ADAM12: variants seen among roughly 807,000 people sequenced by gnomAD.
ADAM12 encodes disintegrin and metalloproteinase domain-containing protein 12.
Under a neutral mutation model 106.4 loss-of-function variants are expected in ADAM12, and 70 were observed. The observed-to-expected ratio is 0.66, with a 90% CI of 0.54 to 0.80. The LOEUF (loss-of-function observed/expected upper bound fraction) is 0.80, where lower values mean the gene tolerates loss of function less well. ADAM12 is among the 30% of genes least tolerant of loss of function. The pLI, the probability that ADAM12 is intolerant of heterozygous loss-of-function variation, is 0.00. For synonymous variants in ADAM12, 420 were observed against 433.5 expected, an observed-to-expected ratio of 0.97 and a Z score of 0.39; for missense variants, 1,010 against 1,171.9, an observed-to-expected ratio of 0.86 and a Z score of 2.02.
chr10:126,164,650 C>A lies in ADAM12; in HGVS notation c.261-9345G>T, dbSNP rs142389311. Among the ~76,000 whole-genome samples the A allele has an allele frequency of 9.3e-3, 1,412 of 152,262 alleles. 17 individuals are homozygous for A. Among genetic ancestry groups the A allele is most frequent in the Non-Finnish European group, 0.014 (950 of 68,020 alleles). On this transcript the variant is annotated intron_variant, in intron 3 of 22. Coordinates refer to ENST00000448723, the MANE Select transcript of ADAM12 (RefSeq NM_001288973.2). ...AATGATATCCTTTAATGAAAACTGT[C>A]CATTCCACAATCACAGGTAAATAAA... is the stretch of plus-strand genomic sequence containing the variant.
rs77187652 is a variant in ADAM12 at position 126,133,750 on chromosome 10, T to C, written c.416+1834A>G. Among the ~76,000 whole-genome samples, 266 of 152,312 alleles carry C rather than the reference T, an allele frequency of 1.7e-3. 4 individuals carry two copies. The East Asian group carries it at 0.04, about 23-fold the overall frequency. ...ACCTCATTTCTCTCTACTGCCTCCC[T>C]GTCCCTGTCCACTCTAGTTATGCTG... On this transcript the variant is annotated intron_variant, in intron 5 of 22. Transcript: ENST00000448723.
chr10:126,051,820 A>G (rs3824637), intron 14 of ADAM12, among the ~76,000 whole-genome samples: 35,209 of 152,142 alleles, frequency 0.23, 5,035 homozygotes, highest in East Asian at 0.33. Flanking sequence ...GAGACACAGA[A>G]AAAAGACCCA....
At position 126,226,300 on chromosome 10, in the gene ADAM12, C is replaced by T. The variant is rs540323498; in HGVS notation, c.260+52615G>A. 2.0e-3 allele frequency among the ~76,000 whole-genome samples: 297 copies of T among 152,214 alleles called. 1 individual carries two copies. Among genetic ancestry groups the T allele is most frequent in the African/African-American group, 6.6e-3 (273 of 41,518 alleles). On this transcript the variant is annotated intron_variant, in intron 3 of 22. Transcript: ENST00000448723. ...ATCAGAACCATGTGGAAAGAATGCA[C>T]GAGTTCAGGAGCAGGAATAAGAGGA...
At chr10:126,246,885 A>C (rs1355431475) in intron 3 of ADAM12, among the ~76,000 whole-genome samples, 1 of 152,218 alleles carries the variant, frequency 6.6e-6, no homozygotes, top group African/African-American at 2.4e-5. Flanking sequence ...TGGGCAGGGC[A>C]ATCAGGCAAG....
At chr10:126,276,890 T>C (rs924410304) in intron 3 of ADAM12, among the ~76,000 whole-genome samples, 1 of 151,654 alleles carries the variant, frequency 6.6e-6, no homozygotes, top group African/African-American at 2.4e-5. Context: ...TCAACGTGTA[T>C]TATAGTATCT....
intron 2 of ADAM12, among the ~76,000 whole-genome samples, chr10:126,322,378 C>G (rs1346783908): frequency 6.6e-6 from 1 of 152,200 alleles, no homozygotes; most frequent in African/African-American, 2.4e-5. Context: ...TGTCCTTCCA[C>G]ATCTTTTCTC....
At chr10:126,342,939 G>T (rs1854986510) in intron 1 of ADAM12, among the ~76,000 whole-genome samples, 1 of 152,058 alleles carries the variant, frequency 6.6e-6, no homozygotes, top group Non-Finnish European at 1.5e-5. Context: ...CATGGGCAGG[G>T]TTCCCTCCTC....
rs181285895 is a variant in ADAM12, at chr10:126,310,255, C to T, written c.186+20157G>A. On this transcript the variant is annotated intron_variant, in intron 2 of 22. Transcript: ENST00000448723. ...AAAAACAAGCAGACAGAAGACAGAA[C>T]CCTGGGAGTTGCATACATTTAGAAG... is the stretch of plus-strand genomic sequence containing the variant. Among the ~76,000 whole-genome samples the T allele has an allele frequency of 3.3e-5, 5 of 151,434 alleles. No individual in the cohort carries two copies. The East Asian group carries it at 5.8e-4, about 18-fold the overall frequency.
chr10:126,082,363 G>GTTTTTTTTTTTTTTTTTTTTTTTTTTT (rs5788763), intron 11 of ADAM12, among the ~76,000 whole-genome samples: 2 of 80,772 alleles, frequency 2.5e-5, no homozygotes, highest in African/African-American at 5.3e-5. Flanking sequence ...TCTAATGACT[G>GTTTTTTTTTTTTTTTTTTTTTTTTTTT]TTTTTTTTTT....
At position 126,049,244 on chromosome 10, in the gene ADAM12, G is replaced by A; in HGVS notation, c.1917+9C>T. 1 of 1,613,832 alleles carries A rather than the reference G, an allele frequency of 6.2e-7. No individual in the cohort carries two copies. The highest frequency in any genetic ancestry group is 8.5e-7 in the Non-Finnish European group (1 of 1,180,012). On this transcript the variant is annotated intron_variant, in intron 16 of 22. Transcript: ENST00000448723. The surrounding 1 kb of genome is among the most constrained non-coding windows in gnomAD (Gnocchi z 4.4). ...ACATTTATGATCCAAGCAAACATTT[G>A]GGTCTTACTTTTCCATCTGCACACT...
At chr10:126,047,494 A>G (rs1286984857) in intron 16 of ADAM12, among the ~76,000 whole-genome samples, 1 of 152,224 alleles carries the variant, frequency 6.6e-6, no homozygotes. Flanking sequence ...AGATCAAAGC[A>G]CATTTCATCT....
intron 14 of ADAM12, among the ~76,000 whole-genome samples, chr10:126,059,069 T>C (rs1954695713): frequency 6.6e-6 from 1 of 152,248 alleles, no homozygotes; most frequent in Non-Finnish European, 1.5e-5. Context: ...TACTATATTT[T>C]ATAATGATGT....
At chr10:126,329,122 A>C (rs998892111) in intron 2 of ADAM12, among the ~76,000 whole-genome samples, 1 of 140,494 alleles carries the variant, frequency 7.1e-6, no homozygotes, top group Non-Finnish European at 1.6e-5. Flanking sequence ...GATAAGCAAC[A>C]AATACTTAAA....
At chr10:126,339,121 A>G (rs1163168665) in intron 1 of ADAM12, among the ~76,000 whole-genome samples, 1 of 152,124 alleles carries the variant, frequency 6.6e-6, no homozygotes, top group Non-Finnish European at 1.5e-5. Context: ...CCCAAGTCTC[A>G]GCTCTTGGCC....
chr10:126,028,656 A>G (rs951387189), intron 21 of ADAM12, among the ~76,000 whole-genome samples: 1 of 152,240 alleles, frequency 6.6e-6, no homozygotes, highest in Non-Finnish European at 1.5e-5. Context: ...AAATAAACTC[A>G]GGATCGATTA....
chr10:126,329,049 G>A (rs1022396623), intron 2 of ADAM12, among the ~76,000 whole-genome samples: 8 of 151,626 alleles, frequency 5.3e-5, no homozygotes, highest in Non-Finnish European at 7.4e-5. Flanking sequence ...TTGTCCCTCC[G>A]ATTCCCTCCA....
At chr10:126,251,736 T>TGGG (rs1958767506) in intron 3 of ADAM12, among the ~76,000 whole-genome samples, 6 of 144,312 alleles carry the variant, frequency 4.2e-5, no homozygotes, top group Non-Finnish European at 6.0e-5. Context: ...GATGGATGGA[T>TGGG]ATGATGGATA....
At chr10:126,286,779 GATA>G (rs1277690673) in intron 2 of ADAM12, among the ~76,000 whole-genome samples, 1 of 152,152 alleles carries the variant, frequency 6.6e-6, no homozygotes, top group Non-Finnish European at 1.5e-5. Context: ...CATAAATAAT[GATA>G]ATGTTTATTC....
intron 11 of ADAM12, among the ~76,000 whole-genome samples, chr10:126,085,016 T>C (rs1279934924): frequency 6.6e-6 from 1 of 152,232 alleles, no homozygotes; most frequent in African/African-American, 2.4e-5. Context: ...TTCTACAAAG[T>C]CTTATGCTCA....
Sources: allele counts gnomAD v4.1 joint callset (sites outside exome capture counted in the v4.1 genomes callset), GRCh38; gene constraint gnomAD v4.1.1; non-coding constraint Gnocchi (gnomAD v3.1); transcripts MANE v1.5; gene names NCBI Gene and HGNC (gene_info 2026-07-23, HGNC 2026-07-21).